The following ABTB3 variants were observed in gnomAD, a reference collection of about 807,000 sequenced individuals.
The protein encoded by ABTB3 is ankyrin repeat- and BTB/POZ domain-containing protein 3.
At chr12:107,341,174 G>T in the ABTB3 span, among the ~76,000 whole-genome samples, 2 of 152,166 alleles carry the variant, frequency 1.3e-5, no homozygotes, top group African/African-American at 2.4e-5. Context: ...CCAAGCTGCA[G>T]GTGCAGACAG....
At chr12:107,629,637 C>T in the ABTB3 span, among the ~76,000 whole-genome samples, 1 of 144,280 alleles carries the variant, frequency 6.9e-6, no homozygotes, top group Non-Finnish European at 1.5e-5. Context: ...CTCCTGGACT[C>T]ATCCTGGCCT....
At chr12:107,343,562 G>T in the ABTB3 span, among the ~76,000 whole-genome samples, 1 of 152,162 alleles carries the variant, frequency 6.6e-6, no homozygotes, top group Non-Finnish European at 1.5e-5. Context: ...CTTAAACAAG[G>T]TAGGGAGTTG....
the ABTB3 span, among the ~76,000 whole-genome samples, chr12:107,477,992 G>A: frequency 2.6e-5 from 4 of 152,224 alleles, no homozygotes; most frequent in African/African-American, 9.7e-5. Flanking sequence ...TTTCCTCTAA[G>A]CCCTTTGGGA....
the ABTB3 span, among the ~76,000 whole-genome samples, chr12:107,533,867 A>G: frequency 1.1e-4 from 17 of 152,260 alleles, no homozygotes; most frequent in African/African-American, 4.1e-4. Context: ...TTTAGACCAT[A>G]TGTTAGGTCA....
At chr12:107,520,247 G>T in the ABTB3 span, 1 of 985,416 alleles carries the variant, frequency 1.0e-6, no homozygotes, top group Non-Finnish European at 1.2e-6. Flanking sequence ...AAATGTGTAT[G>T]TACAGACGAA....
At chr12:107,409,762 T>C in the ABTB3 span, among the ~76,000 whole-genome samples, 1 of 152,164 alleles carries the variant, frequency 6.6e-6, no homozygotes, top group Non-Finnish European at 1.5e-5. Flanking sequence ...ACTTAATACC[T>C]AGGTGATGGG....
the ABTB3 span, among the ~76,000 whole-genome samples, chr12:107,590,105 G>A: frequency 6.6e-6 from 1 of 152,154 alleles, no homozygotes; most frequent in Non-Finnish European, 1.5e-5. Flanking sequence ...GTAGAGACAG[G>A]GTTTCGCCAT....
the ABTB3 span, among the ~76,000 whole-genome samples, chr12:107,341,463 G>C: frequency 6.6e-6 from 1 of 152,180 alleles, no homozygotes; most frequent in Non-Finnish European, 1.5e-5. Flanking sequence ...AGAGTGCAGG[G>C]TTCCATGGGC....
the ABTB3 span, among the ~76,000 whole-genome samples, chr12:107,607,295 T>G: frequency 6.6e-6 from 1 of 152,146 alleles, no homozygotes; most frequent in South Asian, 2.1e-4. Context: ...CCCCATGAGG[T>G]GTGCCAAGAA....
At chr12:107,614,247 G>A in the ABTB3 span, among the ~76,000 whole-genome samples, 1 of 152,146 alleles carries the variant, frequency 6.6e-6, no homozygotes, top group Non-Finnish European at 1.5e-5. Context: ...TCTTGGCCTG[G>A]AGTGTTTTTA....
chr12:107,544,520 A>G, the ABTB3 span, among the ~76,000 whole-genome samples: 2 of 152,156 alleles, frequency 1.3e-5, no homozygotes, highest in Admixed American at 6.5e-5. Context: ...CGGGATAACC[A>G]GAAGCACCTA....
chr12:107,635,856 C>A, the ABTB3 span, among the ~76,000 whole-genome samples: 1 of 73,286 alleles, frequency 1.4e-5, no homozygotes. Context: ...AACAACCCCC[C>A]CCCCCCCACC....
chr12:107,335,801 G>A, the ABTB3 span, among the ~76,000 whole-genome samples: 1 of 152,178 alleles, frequency 6.6e-6, no homozygotes, highest in Non-Finnish European at 1.5e-5. Flanking sequence ...GCCAGGAGGG[G>A]AGGGAAAGAG....
the ABTB3 span, among the ~76,000 whole-genome samples, chr12:107,595,492 G>A: frequency 1.3e-5 from 2 of 152,194 alleles, no homozygotes; most frequent in Non-Finnish European, 2.9e-5. Context: ...GCAATGGCAA[G>A]AGAACCTTAA....
chr12:107,319,535 C>A, the ABTB3 span: 1 of 1,557,852 alleles, frequency 6.4e-7, no homozygotes, highest in African/African-American at 1.4e-5. Context: ...CGGCGACCGC[C>A]TGGGCCGCGG....
the ABTB3 span, chr12:107,319,633 G>A: frequency 6.5e-7 from 1 of 1,536,980 alleles, no homozygotes; most frequent in African/African-American, 1.4e-5. Context: ...GCATCCACGA[G>A]CACGCCGCCA....
chr12:107,319,321 C>G, the ABTB3 span: 1 of 1,546,162 alleles, frequency 6.5e-7, no homozygotes, highest in Non-Finnish European at 8.7e-7. Flanking sequence ...TGCCCAAGGA[C>G]GCGCTGGCCA....
At chr12:107,644,775 T>A in the ABTB3 span, among the ~76,000 whole-genome samples, 1 of 152,102 alleles carries the variant, frequency 6.6e-6, no homozygotes, top group Non-Finnish European at 1.5e-5. Context: ...TTCCCTTCTT[T>A]GTGTCCATGT....
chr12:107,612,737 C>T, the ABTB3 span: 6 of 1,551,412 alleles, frequency 3.9e-6, no homozygotes, highest in African/African-American at 6.8e-5. Context: ...ACCACAGCCA[C>T]CTTGTAAACG....
Sources: allele counts gnomAD v4.1 joint callset (sites outside exome capture counted in the v4.1 genomes callset), GRCh38; gene constraint gnomAD v4.1.1; transcripts MANE v1.5; gene names NCBI Gene and HGNC (gene_info 2026-07-23, HGNC 2026-07-21).